ZFPM2: variants seen among roughly 807,000 people sequenced by gnomAD.
ZFPM2 encodes zinc finger protein, FOG family member 2.
ZFPM2 carries 20 observed loss-of-function variants against 98.6 expected under a neutral mutation model. The observed-to-expected ratio is 0.20, with a 90% CI of 0.14 to 0.29. The LOEUF is 0.29. Ranked by LOEUF, ZFPM2 falls within the 10% of genes least tolerant of loss-of-function variation. The pLI is 1.00. For missense variants in ZFPM2, 1,310 were observed against 1,388.6 expected (o/e 0.94, Z 0.90); for synonymous variants, 518 against 502.7 (o/e 1.03, Z -0.41).
At chr8:105,748,847 G>T (rs1233501886) in intron 5 of ZFPM2, among the ~76,000 whole-genome samples, 2 of 151,930 alleles carry the variant, frequency 1.3e-5, no homozygotes, top group Non-Finnish European at 2.9e-5. Flanking sequence ...AAAATAAAAA[G>T]AATTGACTAA....
intron 1 of ZFPM2, among the ~76,000 whole-genome samples, chr8:105,391,029 A>G (rs1026285997): frequency 1.3e-5 from 2 of 152,234 alleles, no homozygotes; most frequent in Non-Finnish European, 2.9e-5. Flanking sequence ...ACTCCATAGC[A>G]TAAATGTGAT....
chr8:105,575,327 A>AC (rs760299822), intron 4 of ZFPM2, among the ~76,000 whole-genome samples: 2 of 151,792 alleles, frequency 1.3e-5, no homozygotes, highest in Non-Finnish European at 2.9e-5. Flanking sequence ...CCGTTGTATC[A>AC]CCCCCCTCCC....
chr8:105,598,318 G>A (rs1816016770), intron 4 of ZFPM2, among the ~76,000 whole-genome samples: 1 of 152,110 alleles, frequency 6.6e-6, no homozygotes, highest in Non-Finnish European at 1.5e-5. Context: ...AAGGATAAGA[G>A]GGTTGAATCC....
rs374340648 is a variant in ZFPM2 at position 105,393,334 on chromosome 8, T to TCTGTC, written c.41-25810_41-25809insCTGTC. On this transcript the variant is annotated intron_variant, in intron 1 of 7. Transcript: ENST00000407775. The stretch of plus-strand genomic sequence containing the variant: ...CTTTCTTCCTTCCCTCTCTCTCTCT[T>TCTGTC]TGCCTTTCTTTCTTTCTTTCTTTCT... Among the ~76,000 whole-genome samples, 91 of 124,318 alleles carry TCTGTC rather than the reference T, an allele frequency of 7.3e-4. 1 individual carries two copies. Among genetic ancestry groups the TCTGTC allele is most frequent in the Non-Finnish European group, 8.6e-4 (49 of 56,958 alleles). 81.6% of individuals were successfully genotyped at this position (124,318 alleles called of 152,430 possible).
At chr8:105,788,017 T>G (rs987710813) in intron 5 of ZFPM2, among the ~76,000 whole-genome samples, 3 of 152,236 alleles carry the variant, frequency 2.0e-5, no homozygotes, top group African/African-American at 7.2e-5. Flanking sequence ...AACAAATCTT[T>G]ATTTAAATGA....
intron 5 of ZFPM2, among the ~76,000 whole-genome samples, chr8:105,755,791 C>A (rs767102461): frequency 2.6e-5 from 4 of 151,874 alleles, no homozygotes; most frequent in Non-Finnish European, 5.9e-5. Context: ...TAAAAAAGAA[C>A]CTTGATCATT....
At chr8:105,546,583 A>AAAAAC (rs544659193) in intron 3 of ZFPM2, among the ~76,000 whole-genome samples, 6 of 149,740 alleles carry the variant, frequency 4.0e-5, no homozygotes, top group African/African-American at 7.5e-5. Flanking sequence ...AAAAAAAAAA[A>AAAAAC]ACAAACCCAA....
At chr8:105,464,813 G>C (rs902320769) in intron 3 of ZFPM2, among the ~76,000 whole-genome samples, 5 of 151,976 alleles carry the variant, frequency 3.3e-5, no homozygotes, top group African/African-American at 4.8e-5. Context: ...GTGATCTGTA[G>C]AAGTTCCAAC....
intron 3 of ZFPM2, among the ~76,000 whole-genome samples, chr8:105,536,107 T>C (rs1814444895): frequency 6.6e-6 from 1 of 152,172 alleles, no homozygotes; most frequent in Non-Finnish European, 1.5e-5. Flanking sequence ...TAAACAAAAA[T>C]TCTATGTAAT....
intron 5 of ZFPM2, among the ~76,000 whole-genome samples, chr8:105,738,052 T>C (rs1218388610): frequency 6.6e-6 from 1 of 152,000 alleles, no homozygotes; most frequent in African/African-American, 2.4e-5. Context: ...CAGGGGTACA[T>C]GTGCAGGTTT....
At chr8:105,561,278 G>A (rs768114156) in intron 3 of ZFPM2, 85 bp from the exon 4 acceptor site, 7 of 959,416 alleles carry the variant, frequency 7.3e-6, no homozygotes, top group African/African-American at 1.7e-5. Flanking sequence ...AGAATATCAT[G>A]TGTGTAAAGC....
At chr8:105,529,666 C>A (rs1282783040) in intron 3 of ZFPM2, among the ~76,000 whole-genome samples, 1 of 151,578 alleles carries the variant, frequency 6.6e-6, no homozygotes, top group Non-Finnish European at 1.5e-5. Context: ...AATCATCCAC[C>A]AAATAAAATG....
chr8:105,456,453 AATAT>A (rs1017271234), intron 3 of ZFPM2, among the ~76,000 whole-genome samples: 5 of 152,106 alleles, frequency 3.3e-5, no homozygotes, highest in African/African-American at 1.2e-4. Flanking sequence ...TTGGTAAATT[AATAT>A]ATAAAGTACT....
chr8:105,360,400 T>C (rs1476769371), intron 1 of ZFPM2, among the ~76,000 whole-genome samples: 1 of 152,218 alleles, frequency 6.6e-6, no homozygotes, highest in Non-Finnish European at 1.5e-5. Context: ...AAAAATGGAA[T>C]TGCATACTTA....
chr8:105,546,748 G>A (rs899731573), intron 3 of ZFPM2, among the ~76,000 whole-genome samples: 5 of 152,044 alleles, frequency 3.3e-5, no homozygotes, highest in Admixed American at 6.6e-5. Context: ...GCAACCAGTC[G>A]AAGGATCCAG....
chr8:105,749,032 GC>G (rs1812415172), intron 5 of ZFPM2, among the ~76,000 whole-genome samples: 1 of 151,932 alleles, frequency 6.6e-6, no homozygotes, highest in South Asian at 2.1e-4. Context: ...CATTCCTGAG[GC>G]ATCAACAACA....
intron 4 of ZFPM2, among the ~76,000 whole-genome samples, chr8:105,569,375 T>C (rs1005159959): frequency 6.6e-6 from 1 of 152,194 alleles, no homozygotes; most frequent in Admixed American, 6.5e-5. Flanking sequence ...GCATCCTTCC[T>C]GAGGCTTTAC....
chr8:105,588,904 T>G (rs1231303680), intron 4 of ZFPM2, among the ~76,000 whole-genome samples: 1 of 152,202 alleles, frequency 6.6e-6, no homozygotes, highest in East Asian at 1.9e-4. Flanking sequence ...CTCTCCTCAT[T>G]GAGCTGTTGA....
intron 1 of ZFPM2, among the ~76,000 whole-genome samples, chr8:105,339,878 C>G (rs1307569775): frequency 6.6e-6 from 1 of 151,778 alleles, no homozygotes; most frequent in Admixed American, 6.6e-5. Context: ...GCAAAATTGC[C>G]CTTTGGAACT....
Sources: gnomAD v4.1 joint callset for allele counts (sites outside exome capture counted in the v4.1 genomes callset) on GRCh38, gnomAD v4.1.1 for gene constraint, MANE v1.5 for transcripts, NCBI Gene and HGNC (gene_info 2026-07-23, HGNC 2026-07-21) for gene names.